The following ADAM11 variants were observed in gnomAD, a reference collection of about 807,000 sequenced individuals.
ADAM11 encodes ADAM metallopeptidase domain 11, also known as disintegrin and metalloproteinase domain-containing protein 11.
Under a neutral mutation model 119.1 loss-of-function variants are expected in ADAM11, and 49 were observed. The ratio of observed to expected loss-of-function variants is 0.41; its 90% CI spans 0.33 to 0.52. The LOEUF (loss-of-function observed/expected upper bound fraction) is 0.52. Ranked by LOEUF, ADAM11 falls within the 20% of genes least tolerant of loss-of-function variation. The pLI is 0.20. For synonymous variants in ADAM11, 364 were observed against 408.0 expected, an observed-to-expected ratio of 0.89 and a Z score of 1.30; for missense variants, 777 against 1,047.5, an observed-to-expected ratio of 0.74 and a Z score of 3.56.
chr17:44,769,707 C>T lies in ADAM11; in HGVS notation c.238-11C>T. On this transcript the variant is annotated splice_polypyrimidine_tract_variant and intron_variant, in intron 2 of 26. Coordinates refer to ENST00000200557, the MANE Select transcript of ADAM11 (RefSeq NM_002390.6). ...CTGGGTTGACTCCCCCTCTGCCCTC[C>T]CCCCACCCAGCCTGTCCATCTGGCC... 2.2e-6 allele frequency: 3 copies of T among 1,378,450 alleles called. No individual in the cohort carries two copies. Among genetic ancestry groups the T allele is most frequent in the Non-Finnish European group, 3.1e-6 (3 of 964,824 alleles). 85.4% of individuals were successfully genotyped at this position (1,378,450 alleles called of 1,614,324 possible). A position where few individuals can be genotyped will look rare whatever the true frequency, so the allele number is the denominator to read the frequency against.
At chr17:44,779,318 T>G (rs764654906) in intron 26 of ADAM11, 79 bp downstream of exon 26, 13 of 1,508,138 alleles carry the variant, frequency 8.6e-6, no homozygotes, top group Non-Finnish European at 1.1e-5. Flanking sequence ...TCCATCTCAT[T>G]CGTCACCCCG....
rs201078446 is a variant in ADAM11, at chr17:44,773,125, C to A, written c.825+40C>A. ...CTCCCTCCCTTCCCTCCTCCTCATG[C>A]CCCCCACCCCACCACACACATTAGG... On this transcript the variant is annotated intron_variant, in intron 10 of 26. Coordinates refer to ENST00000200557, the MANE Select transcript of ADAM11 (RefSeq NM_002390.6). The surrounding 1 kb of genome is among the most constrained non-coding windows in gnomAD (Gnocchi z 4.6). The A allele has an allele frequency of 2.1e-6, 3 of 1,421,542 alleles. No individual in the cohort carries two copies. Among genetic ancestry groups the A allele is most frequent in the Middle Eastern group, 1.9e-4 (1 of 5,322 alleles). 88.1% of individuals were successfully genotyped at this position (1,421,542 alleles called of 1,614,324 possible).
chr17:44,766,576 C>A (rs547161647), intron 2 of ADAM11, among the ~76,000 whole-genome samples: 1 of 152,200 alleles, frequency 6.6e-6, no homozygotes, highest in African/African-American at 2.4e-5. Context: ...CGAACTCCAG[C>A]CCCAGGGTGA....
At chr17:44,763,937 G>A (rs923761862) in intron 2 of ADAM11, among the ~76,000 whole-genome samples, 27 of 152,206 alleles carry the variant, frequency 1.8e-4, no homozygotes, top group African/African-American at 5.1e-4. Context: ...AACTGGTCTC[G>A]AACTCCTGAT....
intron 2 of ADAM11, among the ~76,000 whole-genome samples, chr17:44,766,828 A>T (rs2049456341): frequency 6.6e-6 from 1 of 152,116 alleles, no homozygotes. Context: ...CCCACCAGGG[A>T]TGGAGGGACA....
At chr17:44,774,457 T>C (rs780933979) in intron 12 of ADAM11, 35 bp from the exon 13 acceptor site, 1 of 1,607,286 alleles carries the variant, frequency 6.2e-7, no homozygotes, top group Admixed American at 1.7e-5. Context: ...TGTTGGAAGA[T>C]GTAGACATCT....
chr17:44,765,933 G>A (rs909411496), intron 2 of ADAM11, among the ~76,000 whole-genome samples: 3 of 152,216 alleles, frequency 2.0e-5, no homozygotes, highest in African/African-American at 7.2e-5. Context: ...CTGTTTTACC[G>A]AGGGGAAAAC....
In ADAM11 at chr17:44,769,636, C is replaced by A. The variant is rs545847300; in HGVS notation, c.238-82C>A. The A allele has an allele frequency of 6.3e-5, 54 of 861,150 alleles. 3 individuals carry two copies. In the South Asian group the frequency reaches 7.8e-4, roughly 12 times the overall value. The allele number at this position is 861,150 out of a possible 1,614,324, so 53.3% of individuals were successfully genotyped here. A position where few individuals can be genotyped will look rare whatever the true frequency, so the allele number is the denominator to read the frequency against. ...AGGGCTGGCCACCCCTTCCCCAGGG[C>A]TACTGTTGCTCCCGGGATCCCCCCG... On this transcript the variant is annotated intron_variant, in intron 2 of 26. Transcript: ENST00000200557.
chr17:44,770,063 A>C lies in ADAM11; in HGVS notation c.381+15A>C, dbSNP rs753128694. On this transcript the variant is annotated intron_variant, in intron 4 of 26. Coordinates refer to ENST00000200557, the MANE Select transcript of ADAM11 (RefSeq NM_002390.6). The stretch of plus-strand genomic sequence containing the variant: ...AGCACAGCACCGTGAGTGCCACTGC[A>C]GGGGACCGGGGCCGGGGATGGAAGG... 6.2e-7 allele frequency: 1 copy of C among 1,613,658 alleles called. No homozygotes were observed. Among genetic ancestry groups the C allele is most frequent in the Non-Finnish European group, 8.5e-7 (1 of 1,179,840 alleles).
Position 44,772,985 on chromosome 17 carries a change from G to A in ADAM11, c.754-29G>A, listed in dbSNP as rs754267329. 1.2e-6 allele frequency: 2 copies of A among 1,613,912 alleles called. No individual in the cohort carries two copies. The highest frequency in any genetic ancestry group is 2.2e-5 in the East Asian group (1 of 44,882). ...ACACTGGGAGGCCCCTGAGGAGCCT[G>A]GCCCTCCTCCCATTCTTCTCTCTCC... On this transcript the variant is annotated intron_variant, in intron 9 of 26. Transcript: ENST00000200557. The surrounding 1 kb of genome is among the most constrained non-coding windows in gnomAD (Gnocchi z 4.5).
chr17:44,777,657 G>GACCA lies in ADAM11; in HGVS notation c.1902-37_1902-36insCCAA. ...AGGTTGCAGCTGTGCTGGGGGTTAGGAGACAGGGGGCTGAGGCTGGCTGTG... is the reference window on the plus strand; with the variant it reads ...AGGTTGCAGCTGTGCTGGGGGTTAGGACCAAGACAGGGGGCTGAGGCTGGCTGTG... On this transcript the variant is annotated intron_variant, in intron 22 of 26. Coordinates refer to ENST00000200557, the MANE Select transcript of ADAM11 (RefSeq NM_002390.6). This position sits in a 1 kb window ranked among gnomAD's most constrained non-coding sequence, Gnocchi z 5.1. 1 of 1,613,544 alleles carries GACCA rather than the reference G, an allele frequency of 6.2e-7. No homozygotes were observed. The highest frequency in any genetic ancestry group is 8.5e-7 in the Non-Finnish European group (1 of 1,179,630).
chr17:44,767,127 G>A (rs2049459955), intron 2 of ADAM11, among the ~76,000 whole-genome samples: 1 of 152,046 alleles, frequency 6.6e-6, no homozygotes, highest in Non-Finnish European at 1.5e-5. Context: ...GGGATGCCAA[G>A]GGTGGATCAC....
Position 44,781,157 on chromosome 17 carries a change from T to A in ADAM11, c.*1403T>A, listed in dbSNP as rs940397907. 6.6e-6 allele frequency: 1 copy of A among 152,232 alleles called. No individual in the cohort carries two copies. Among genetic ancestry groups the A allele is most frequent in the African/African-American group, 2.4e-5 (1 of 41,452 alleles). The allele number at this position is 152,232 out of a possible 1,614,324, so 9.4% of individuals were successfully genotyped here. A position where few individuals can be genotyped will look rare whatever the true frequency, so the allele number is the denominator to read the frequency against. On this transcript the variant is annotated 3_prime_UTR_variant, in exon 27 of 27. Transcript: ENST00000200557. ...GCCCTGCCCTCACTCGGCAGGGAGT[T>A]CTGACACCCCAGGGCCCGTGAGCTA...
chr17:44,780,453 C>A lies in ADAM11; in HGVS notation c.*699C>A. On this transcript the variant is annotated 3_prime_UTR_variant, in exon 27 of 27. Transcript: ENST00000200557. The stretch of plus-strand genomic sequence containing the variant: ...AAACCAAAGCTGCCTGTGCCATGCC[C>A]AAGGCCTAGGTTATGGGTACGGCAA... 1 of 306,668 alleles carries A rather than the reference C, an allele frequency of 3.3e-6. No individual in the cohort carries two copies. Among genetic ancestry groups the A allele is most frequent in the South Asian group, 2.8e-5 (1 of 36,308 alleles). 19.0% of individuals were successfully genotyped at this position (306,668 alleles called of 1,614,324 possible).
At chr17:44,771,390 T>C (rs981236853) in intron 4 of ADAM11, among the ~76,000 whole-genome samples, 194 bp from the exon 5 acceptor site, 2 of 151,754 alleles carry the variant, frequency 1.3e-5, no homozygotes, top group African/African-American at 2.4e-5. Context: ...CCCAGAGGGC[T>C]AGGAACTTGC....
chr17:44,776,070 G>A lies in ADAM11; in HGVS notation c.1486-57G>A, dbSNP rs1054257806. The stretch of plus-strand genomic sequence containing the variant: ...GGGTCCAGAGAGCGAGGGGCCTGGG[G>A]AGGGCAGGGCCGAGGCATCCATCCT... On this transcript the variant is annotated intron_variant, in intron 17 of 26. Coordinates refer to ENST00000200557, the MANE Select transcript of ADAM11 (RefSeq NM_002390.6). The surrounding 1 kb of genome is among the most constrained non-coding windows in gnomAD (Gnocchi z 5.2). 3.1e-6 allele frequency: 5 copies of A among 1,591,596 alleles called. No individual in the cohort carries two copies. In the African/African-American group the frequency reaches 6.7e-5, roughly 21 times the overall value.
Position 44,776,166 on chromosome 17 carries a change from G to C in ADAM11, c.1525G>C (p.Glu509Gln), listed in dbSNP as rs532806988. 6.2e-7 allele frequency: 1 copy of C among 1,613,560 alleles called. No homozygotes were observed. The highest frequency in any genetic ancestry group is 1.3e-5 in the African/African-American group (1 of 74,886). The change falls in exon 18 of 27, where the codon GAG becomes CAG. Residue 509 changes from glutamate (E) to glutamine (Q), a missense_variant. This residue lies in a region of ADAM11 where 348 missense variants were observed against 486.7 expected (regional missense o/e 0.72). Transcript: ENST00000200557. This position sits in a 1 kb window ranked among gnomAD's most constrained non-coding sequence, Gnocchi z 5.2. ...RGVSCREAVN[E>Q]CDIAETCTGD... Reference sequence around the variant, plus strand: ...TGTGTCCTGCCGAGAGGCCGTGAACGAGTGCGACATCGCGGAGACCTGCAC... The same window carrying C: ...TGTGTCCTGCCGAGAGGCCGTGAACCAGTGCGACATCGCGGAGACCTGCAC...
intron 25 of ADAM11, 122 bp from the exon 26 acceptor site, chr17:44,779,100 C>T: frequency 7.5e-7 from 1 of 1,332,636 alleles, no homozygotes; most frequent in South Asian, 1.4e-5. Flanking sequence ...TGTCCAGGCC[C>T]CGGGGACCCC....
Position 44,781,140 on chromosome 17 carries a change from C to T in ADAM11, c.*1386C>T, listed in dbSNP as rs550161090. The stretch of plus-strand genomic sequence containing the variant: ...TTCTTGTCACCAGGGTTGCCCTGCC[C>T]TCACTCGGCAGGGAGTTCTGACACC... On this transcript the variant is annotated 3_prime_UTR_variant, in exon 27 of 27. Transcript: ENST00000200557. The T allele has an allele frequency of 2.0e-5, 3 of 152,386 alleles. No individual in the cohort carries two copies. The South Asian group carries it at 6.2e-4, about 32-fold the overall frequency. 9.4% of individuals were successfully genotyped at this position (152,386 alleles called of 1,614,324 possible). A position where few individuals can be genotyped will look rare whatever the true frequency, so the allele number is the denominator to read the frequency against.
Sources: allele counts gnomAD v4.1 joint callset (sites outside exome capture counted in the v4.1 genomes callset), GRCh38; gene constraint gnomAD v4.1.1; regional missense constraint gnomAD v4.1.1; non-coding constraint Gnocchi (gnomAD v3.1); transcripts MANE v1.5; gene names NCBI Gene and HGNC (gene_info 2026-07-23, HGNC 2026-07-21).